The following KIAA0586 variants were observed in gnomAD, a reference collection of about 807,000 sequenced individuals.
KIAA0586 encodes protein TALPID3.
In KIAA0586, 144 loss-of-function variants were observed where a neutral mutation model predicts 169.8. The observed-to-expected ratio is 0.85, with a 90% confidence interval of 0.74 to 0.97. The LOEUF (loss-of-function observed/expected upper bound fraction) is 0.97, where lower values mean the gene tolerates loss of function less well. Ranked by LOEUF, KIAA0586 falls within the 50% of genes least tolerant of loss-of-function variation. The pLI, the probability that KIAA0586 is intolerant of heterozygous loss-of-function variation, is 0.00. For synonymous variants in KIAA0586, 625 were observed against 612.4 expected, an observed-to-expected ratio of 1.02 and a Z score of -0.30; for missense variants, 1,854 against 1,823.0, an observed-to-expected ratio of 1.02 and a Z score of -0.31.
rs1243068786 is a variant in KIAA0586 at position 58,547,915 on chromosome 14, G to A, written c.4630G>A (p.Gly1544Arg). The stretch of plus-strand genomic sequence containing the variant: ...AATGCAGGAGGACATGGAGTCTTCG[G>A]GGGCAGATACCTTCTGAACGGGAAG... ...STMQEDMESS[G>R]ADTF The change falls in exon 31 of 31, where the codon GGG (glycine) becomes AGG (arginine). Residue 1544 changes from glycine to arginine, a missense_variant. Coordinates refer to ENST00000652326, the MANE Select transcript of KIAA0586 (RefSeq NM_001329943.3). The A allele has an allele frequency of 6.2e-7, 1 of 1,613,488 alleles. No individual in the cohort carries two copies. The highest frequency in any genetic ancestry group is 1.3e-5 in the African/African-American group (1 of 74,862).
intron 3 of KIAA0586, among the ~76,000 whole-genome samples, chr14:58,431,316 G>T (rs936776722): frequency 6.6e-6 from 1 of 152,078 alleles, no homozygotes; most frequent in Non-Finnish European, 1.5e-5. Flanking sequence ...AGGCTGGGGT[G>T]CAGTGGCGTA....
chr14:58,450,434 G>C (rs1172064102), intron 7 of KIAA0586, 145 bp from the exon 8 acceptor site: 1 of 546,900 alleles, frequency 1.8e-6, no homozygotes, highest in African/African-American at 1.9e-5. Context: ...ATTTTTAATG[G>C]GGTGAAGTTA....
intron 25 of KIAA0586, among the ~76,000 whole-genome samples, chr14:58,491,348 A>C (rs2042823209): frequency 6.6e-6 from 1 of 152,238 alleles, no homozygotes; most frequent in Admixed American, 6.5e-5. Flanking sequence ...ACAATAGTAC[A>C]ATCTGGAAAA....
downstream of KIAA0586, among the ~76,000 whole-genome samples, chr14:58,555,101 T>TC (rs1228036794): frequency 3.1e-5 from 3 of 98,336 alleles, no homozygotes; most frequent in African/African-American, 1.8e-4. Flanking sequence ...CTTTCTTTCT[T>TC]TTTTTTTTTT....
intron 29 of KIAA0586, among the ~76,000 whole-genome samples, chr14:58,514,971 G>A (rs2044647451): frequency 6.6e-6 from 1 of 151,848 alleles, no homozygotes; most frequent in African/African-American, 2.4e-5. Context: ...TATTTGTCAT[G>A]AGCCCAGGAA....
chr14:58,432,305 TA>T (rs938529342), intron 3 of KIAA0586, 82 bp from the exon 4 acceptor site: 10 of 834,824 alleles, frequency 1.2e-5, no homozygotes, highest in Non-Finnish European at 1.9e-5. Context: ...TTCTTTTAGT[TA>T]AAAAAGATTT....
downstream of KIAA0586, among the ~76,000 whole-genome samples, chr14:58,555,224 C>A (rs538335056): frequency 2.0e-5 from 3 of 151,898 alleles, no homozygotes; most frequent in African/African-American, 7.2e-5. Context: ...CCTCAGCCTC[C>A]CAAGTAACTG....
chr14:58,467,995 CATTAT>C (rs2040904929), intron 16 of KIAA0586, 73 bp downstream of exon 16: 1 of 838,584 alleles, frequency 1.2e-6, no homozygotes, highest in African/African-American at 1.7e-5. Flanking sequence ...TACGGAAATC[CATTAT>C]ATTGCTTCAT....
intron 29 of KIAA0586, among the ~76,000 whole-genome samples, chr14:58,528,854 C>T (rs977914047): frequency 6.6e-6 from 1 of 151,972 alleles, no homozygotes; most frequent in Non-Finnish European, 1.5e-5. Context: ...TAACTAAGAT[C>T]AGAGCAGAAC....
intron 9 of KIAA0586, among the ~76,000 whole-genome samples, chr14:58,453,789 TG>T (rs1468569587): frequency 1.3e-5 from 2 of 152,146 alleles, no homozygotes; most frequent in African/African-American, 4.8e-5. Flanking sequence ...ATAGATAAAA[TG>T]AGGCTAGCCA....
the KIAA0586 span, among the ~76,000 whole-genome samples, chr14:58,558,374 G>A: frequency 1.3e-5 from 2 of 152,142 alleles, no homozygotes; most frequent in Admixed American, 6.5e-5. Context: ...AAATTTTCAG[G>A]TAGAGTTGTA....
At chr14:58,429,125 T>G (rs2037139871) in intron 1 of KIAA0586, among the ~76,000 whole-genome samples, 1 of 152,242 alleles carries the variant, frequency 6.6e-6, no homozygotes, top group South Asian at 2.1e-4. Flanking sequence ...TATTTTAAAA[T>G]GTTTCGTGCT....
rs1203065972 is a variant in KIAA0586, at chr14:58,550,947, G to A, written c.*3015G>A. 6.6e-6 allele frequency: 1 copy of A among 152,304 alleles called. No homozygotes were observed. The highest frequency in any genetic ancestry group is 2.4e-5 in the African/African-American group (1 of 41,400). 9.4% of individuals were successfully genotyped at this position (152,304 alleles called of 1,614,324 possible). ...CTCACACCTGTAATCCCAGCACTTTGGGAGGCTGAGGCAGGCAGATCACCC... is the reference window on the plus strand; with the variant it reads ...CTCACACCTGTAATCCCAGCACTTTAGGAGGCTGAGGCAGGCAGATCACCC... On this transcript the variant is annotated 3_prime_UTR_variant, in exon 31 of 31. Transcript: ENST00000652326.
intron 29 of KIAA0586, among the ~76,000 whole-genome samples, chr14:58,525,477 A>G (rs1250546064): frequency 1.3e-5 from 2 of 152,014 alleles, no homozygotes; most frequent in Non-Finnish European, 2.9e-5. Context: ...TCCCTCCTCT[A>G]GCCAAGTGAA....
Position 58,432,413 on chromosome 14 carries a change from T to C in KIAA0586, c.366T>C (p.Tyr122=). The change falls in exon 4 of 31, where the codon TAT becomes TAC. Residue 122 remains tyrosine, a synonymous_variant. Coordinates refer to ENST00000652326, the MANE Select transcript of KIAA0586 (RefSeq NM_001329943.3). The stretch of plus-strand genomic sequence containing the variant: ...CAAATGACATCTTCATTTCTCAGTA[T>C]ACAATGGGACAGAAAGATGCTCTAA... The part of the protein sequence containing the change: ...QKANDIFISQ[Y]TMGQKDALRT... 6.4e-7 allele frequency: 1 copy of C among 1,568,748 alleles called. No individual in the cohort carries two copies. Among genetic ancestry groups the C allele is most frequent in the Non-Finnish European group, 8.6e-7 (1 of 1,158,682 alleles).
At chr14:58,557,959 G>C in the KIAA0586 span, among the ~76,000 whole-genome samples, 3 of 129,714 alleles carry the variant, frequency 2.3e-5, no homozygotes, top group South Asian at 2.4e-4. Flanking sequence ...GCCCAGGCTG[G>C]AGTGCAGTGG....
At chr14:58,514,389 A>G (rs2044606708) in intron 29 of KIAA0586, among the ~76,000 whole-genome samples, 2 of 152,122 alleles carry the variant, frequency 1.3e-5, no homozygotes, top group Non-Finnish European at 2.9e-5. Flanking sequence ...TCACAGGGGA[A>G]TTAAAACCAC....
At chr14:58,473,603 T>A (rs2041387410) in intron 18 of KIAA0586, among the ~76,000 whole-genome samples, 1 of 152,086 alleles carries the variant, frequency 6.6e-6, no homozygotes, top group South Asian at 2.1e-4. Context: ...ACTGGGTAAT[T>A]TATAAAGAAA....
At chr14:58,557,212 T>C in the KIAA0586 span, among the ~76,000 whole-genome samples, 21 of 152,202 alleles carry the variant, frequency 1.4e-4, no homozygotes, top group Non-Finnish European at 2.9e-5. Flanking sequence ...TGGACTGATT[T>C]GTCTTGGATG....
Sources: allele counts gnomAD v4.1 joint callset (sites outside exome capture counted in the v4.1 genomes callset), GRCh38; gene constraint gnomAD v4.1.1; transcripts MANE v1.5; gene names NCBI Gene and HGNC (gene_info 2026-07-23, HGNC 2026-07-21).